Variants in CMKLR1 observed in about 807,000 individuals in gnomAD.
CMKLR1 encodes the protein chemerin-like receptor 1.
CMKLR1 carries 6 observed loss-of-function variants against 8.2 expected under a neutral mutation model. The observed-to-expected ratio is 0.73, with a 90% CI of 0.40 to 1.44. CMKLR1 has a LOEUF of 1.44. Among genes scored for constraint, CMKLR1 ranks in the 40% most tolerant of loss-of-function variants. CMKLR1 has a pLI of 0.02. For synonymous variants in CMKLR1, 178 were observed against 181.2 expected (o/e 0.98, Z 0.14); for missense variants, 429 against 478.0 (o/e 0.90, Z 0.96).
chr12:108,312,820 A>G (rs980543853), intron 2 of CMKLR1, among the ~76,000 whole-genome samples: 1 of 151,966 alleles, frequency 6.6e-6, no homozygotes, highest in African/African-American at 2.4e-5. Flanking sequence ...TTGCACATTC[A>G]CAATGCTACC....
At chr12:108,309,786 A>G (rs1269828377) in intron 2 of CMKLR1, among the ~76,000 whole-genome samples, 1 of 152,208 alleles carries the variant, frequency 6.6e-6, no homozygotes, top group Non-Finnish European at 1.5e-5. Flanking sequence ...CTGGGGTAAT[A>G]AGCCAGTTGC....
chr12:108,293,724 G>A (rs933818871), intron 2 of CMKLR1, 60 bp from the exon 3 acceptor site: 12 of 931,342 alleles, frequency 1.3e-5, no homozygotes, highest in Non-Finnish European at 2.0e-5. Flanking sequence ...GAACCAGAGG[G>A]TTGAGTGGAC....
chr12:108,293,546 G>A, intron 3 of CMKLR1, 43 bp downstream of exon 3: 1 of 1,550,842 alleles, frequency 6.4e-7, no homozygotes, highest in South Asian at 1.2e-5. Context: ...TCTGTCAGTG[G>A]TCACTGGTGC....
chr12:108,307,287 C>A (rs906693129), intron 2 of CMKLR1, among the ~76,000 whole-genome samples: 1 of 152,186 alleles, frequency 6.6e-6, no homozygotes, highest in African/African-American at 2.4e-5. Flanking sequence ...GCCTGTGGCA[C>A]GCACTTGGTG....
rs10861889 is a variant in CMKLR1 at position 108,288,740 on chromosome 12, C to A, written c.*3101G>T. On this transcript the variant is annotated 3_prime_UTR_variant, in exon 4 of 4. Coordinates refer to ENST00000550402, the MANE Select transcript of CMKLR1 (RefSeq NM_001142343.2). The stretch of plus-strand genomic sequence containing the variant: ...TGGAGATGGTTCTGAAATCAAATTC[C>A]TCCCACTCTTTGGACTTCCATTCCT... 6.6e-6 allele frequency: 1 copy of A among 152,210 alleles called. No homozygotes were observed. The highest frequency in any genetic ancestry group is 1.5e-5 in the Non-Finnish European group (1 of 68,064). The allele number at this position is 152,210 out of a possible 1,614,324, so 9.4% of individuals were successfully genotyped here.
Position 108,291,862 on chromosome 12 carries a change from C to T in CMKLR1, c.1101G>A (p.Glu367=), listed in dbSNP as rs1890975922. The T allele has an allele frequency of 2.5e-6, 4 of 1,613,478 alleles. No homozygotes were observed. Among genetic ancestry groups the T allele is most frequent in the African/African-American group, 2.7e-5 (2 of 74,934 alleles). Residue 367 remains glutamate (E), a synonymous_variant, in exon 4 of 4, where the codon GAG becomes GAA. Coordinates refer to ENST00000550402, the MANE Select transcript of CMKLR1 (RefSeq NM_001142343.2). The stretch of plus-strand genomic sequence containing the variant: ...AGGATCAAAGCATGCCGGTCTCCCT[C>T]TCATTCATAGAAGTCCTCTCATTCA... The part of the protein sequence containing the change: ...SSMNERTSMN[E]RETGML
At position 108,288,505 on chromosome 12, in the gene CMKLR1, C is replaced by A. The variant is rs143624722; in HGVS notation, c.*3336G>T. ...ACTCTGGGGTCGAATTTGAGCCAAT[C>A]CCCTCCCTTTGTCAGTGCCCAGTTT... On this transcript the variant is annotated 3_prime_UTR_variant, in exon 4 of 4. Transcript: ENST00000550402. The A allele has an allele frequency of 5.9e-5, 9 of 152,448 alleles. No homozygotes were observed. Among genetic ancestry groups the A allele is most frequent in the Non-Finnish European group, 1.3e-4 (9 of 68,112 alleles). 9.4% of individuals were successfully genotyped at this position (152,448 alleles called of 1,614,324 possible).
intron 2 of CMKLR1, among the ~76,000 whole-genome samples, chr12:108,308,920 A>C (rs756453871): frequency 1.7e-4 from 26 of 152,168 alleles, no homozygotes; most frequent in Non-Finnish European, 2.4e-4. Flanking sequence ...CTTGGAGTCG[A>C]GGGGTAGTCG....
chr12:108,293,531 C>A, intron 3 of CMKLR1, 58 bp downstream of exon 3: 4 of 1,545,322 alleles, frequency 2.6e-6, no homozygotes. Context: ...CCCCTGTGCA[C>A]CCAATCTGTC....
At position 108,292,255 on chromosome 12, in the gene CMKLR1, G is replaced by T. The variant is rs1251782205; in HGVS notation, c.708C>A (p.Ile236=). Reference sequence around the variant, plus strand: ...ACACGATGGTGAGGTAGCAAGCTGTGATGATGAGGACTGGGACCAGGAAGC... The same window carrying T: ...ACACGATGGTGAGGTAGCAAGCTGTTATGATGAGGACTGGGACCAGGAAGC... ...LCGFLVPVLI[I]TACYLTIVCK... Residue 236 remains isoleucine, a synonymous_variant, in exon 4 of 4, where the codon ATC becomes ATA. Coordinates refer to ENST00000550402, the MANE Select transcript of CMKLR1 (RefSeq NM_001142343.2). 1.9e-6 allele frequency: 3 copies of T among 1,614,142 alleles called. No individual in the cohort carries two copies. Among genetic ancestry groups the T allele is most frequent in the Non-Finnish European group, 2.5e-6 (3 of 1,180,018 alleles).
rs143090985 is a variant in CMKLR1, at chr12:108,331,345, G to T, written c.-286-1138C>A. On this transcript the variant is annotated intron_variant, in intron 1 of 3. Transcript: ENST00000550402. ...CGCAGTCTAAATGATGCCAAAGTCT[G>T]GTTCCTGGTTCGGTCCTGATAATCA... Among the ~76,000 whole-genome samples the T allele has an allele frequency of 2.0e-4, 30 of 152,300 alleles. No homozygotes were observed. The East Asian group carries it at 4.8e-3, about 24-fold the overall frequency.
chr12:108,298,362 A>T (rs1400867363), intron 2 of CMKLR1, among the ~76,000 whole-genome samples: 1 of 152,082 alleles, frequency 6.6e-6, no homozygotes, highest in Non-Finnish European at 1.5e-5. Context: ...TACTGCTATC[A>T]CTCCCATTGT....
rs1292990117 is a variant in CMKLR1, at chr12:108,291,849, T to A, written c.1114A>T (p.Met372Leu). The A allele has an allele frequency of 2.5e-6, 4 of 1,611,638 alleles. No individual in the cohort carries two copies. In the African/African-American group the frequency reaches 5.3e-5, roughly 22 times the overall value. ...RTSMNERETG[M>L]L Reference sequence around the variant, plus strand: ...GGGTTCCACAGTGAGGATCAAAGCATGCCGGTCTCCCTCTCATTCATAGAA... The same window carrying A: ...GGGTTCCACAGTGAGGATCAAAGCAAGCCGGTCTCCCTCTCATTCATAGAA... The change falls in exon 4 of 4, where the codon ATG (methionine) becomes TTG (leucine). Residue 372 changes from methionine (M) to leucine (L), a missense_variant. By Grantham distance (15) the Met-to-Leu change is conservative. Transcript: ENST00000550402.
At chr12:108,293,015 G>A in intron 3 of CMKLR1, 56 bp from the exon 4 acceptor site, 1 of 1,498,412 alleles carries the variant, frequency 6.7e-7, no homozygotes, top group Non-Finnish European at 9.0e-7. Flanking sequence ...TTAAGAGGTT[G>A]ACCAATACCA....
At position 108,290,761 on chromosome 12, in the gene CMKLR1, T is replaced by C. The variant is rs530858014; in HGVS notation, c.*1080A>G. Reference sequence around the variant, plus strand: ...AGAAACACAGTTCAAGGAGTCCAGCTCCAGACTCTGTCTCAAGTGACTGAG... The same window carrying C: ...AGAAACACAGTTCAAGGAGTCCAGCCCCAGACTCTGTCTCAAGTGACTGAG... On this transcript the variant is annotated 3_prime_UTR_variant, in exon 4 of 4. Transcript: ENST00000550402. 1.3e-5 allele frequency: 2 copies of C among 152,334 alleles called. No homozygotes were observed. Among genetic ancestry groups the C allele is most frequent in the Non-Finnish European group, 2.9e-5 (2 of 68,044 alleles). The allele number at this position is 152,334 out of a possible 1,614,324, so 9.4% of individuals were successfully genotyped here.
chr12:108,338,065 C>A lies in CMKLR1; in HGVS notation c.-287+962G>T, dbSNP rs142707433. On this transcript the variant is annotated intron_variant, in intron 1 of 3. Coordinates refer to ENST00000550402, the MANE Select transcript of CMKLR1 (RefSeq NM_001142343.2). ...TGACCTCAGACCAGTGATCTGGCAT[C>A]TCTGAACCGCACAGGTCTGAGTGAT... is the stretch of plus-strand genomic sequence containing the variant. Among the ~76,000 whole-genome samples the A allele has an allele frequency of 5.7e-3, 865 of 152,302 alleles. 9 individuals carry two copies. Among genetic ancestry groups the A allele is most frequent in the African/African-American group, 0.019 (803 of 41,552 alleles).
chr12:108,300,466 G>GATGA (rs5800818), intron 2 of CMKLR1, among the ~76,000 whole-genome samples: 5,234 of 151,460 alleles, frequency 0.035, 123 homozygotes, highest in East Asian at 0.13. Flanking sequence ...AATATTGTTT[G>GATGA]ATGAATGAAT....
chr12:108,293,628 C>T lies in CMKLR1; in HGVS notation c.-37G>A. 7 of 1,549,044 alleles carry T rather than the reference C, an allele frequency of 4.5e-6. No individual in the cohort carries two copies. Among genetic ancestry groups the T allele is most frequent in the Non-Finnish European group, 6.1e-6 (7 of 1,146,136 alleles). On this transcript the variant is annotated 5_prime_UTR_variant, in exon 3 of 4. Coordinates refer to ENST00000550402, the MANE Select transcript of CMKLR1 (RefSeq NM_001142343.2). ...TTGTCTGCAGCTCTCCAATGTGAGT[C>T]CTCAGCCAATCAGTCCCTGTACACA...
At chr12:108,297,768 T>A (rs1891173229) in intron 2 of CMKLR1, among the ~76,000 whole-genome samples, 1 of 152,162 alleles carries the variant, frequency 6.6e-6, no homozygotes, top group Non-Finnish European at 1.5e-5. Flanking sequence ...CACTCTGACC[T>A]CCGTAAGCCT....
Sources: allele counts gnomAD v4.1 joint callset (sites outside exome capture counted in the v4.1 genomes callset), GRCh38; gene constraint gnomAD v4.1.1; transcripts MANE v1.5; gene names NCBI Gene and HGNC (gene_info 2026-07-23, HGNC 2026-07-21).